The following VWC2L variants were observed in gnomAD, a reference collection of about 807,000 sequenced individuals.
VWC2L encodes von Willebrand factor C domain containing 2 like, also known as von Willebrand factor C domain-containing protein 2-like.
A neutral mutation model predicts 21.6 loss-of-function variants in VWC2L; 10 were observed. The observed-to-expected ratio is 0.46, with a 90% confidence interval of 0.29 to 0.78. The LOEUF (loss-of-function observed/expected upper bound fraction) is 0.78, where lower values mean the gene tolerates loss of function less well. VWC2L is among the 30% of genes least tolerant of loss of function. The pLI is 0.10. For missense variants in VWC2L, 209 were observed against 277.1 expected, an observed-to-expected ratio of 0.75 and a Z score of 1.74; for synonymous variants, 96 against 94.3, an observed-to-expected ratio of 1.02 and a Z score of -0.10.
chr2:214,475,988 T>C (rs1468697214), intron 3 of VWC2L, among the ~76,000 whole-genome samples: 3 of 152,126 alleles, frequency 2.0e-5, no homozygotes, highest in Non-Finnish European at 2.9e-5. Context: ...CGCAAAACAA[T>C]TGATGAAATA....
intron 3 of VWC2L, among the ~76,000 whole-genome samples, chr2:214,549,185 C>T (rs540662786): frequency 2.0e-4 from 30 of 152,260 alleles, no homozygotes; most frequent in Non-Finnish European, 3.4e-4. Flanking sequence ...TACAATGGAC[C>T]CATCTAGATA....
intron 3 of VWC2L, among the ~76,000 whole-genome samples, chr2:214,465,955 C>T (rs1453963565): frequency 6.6e-6 from 1 of 152,192 alleles, no homozygotes; most frequent in Non-Finnish European, 1.5e-5. Context: ...ACTCTCCCTC[C>T]CCCAAGCACA....
chr2:214,548,772 T>C (rs1431962479), intron 3 of VWC2L, among the ~76,000 whole-genome samples: 1 of 152,146 alleles, frequency 6.6e-6, no homozygotes, highest in East Asian at 1.9e-4. Context: ...GCAGCATTTG[T>C]AGTCAATACA....
At chr2:214,560,221 A>G (rs966300122) in intron 3 of VWC2L, among the ~76,000 whole-genome samples, 3 of 152,202 alleles carry the variant, frequency 2.0e-5, no homozygotes, top group African/African-American at 7.2e-5. Context: ...GTGTTACTAT[A>G]AAAACCATGG....
At chr2:214,553,499 T>A (rs1689827403) in intron 3 of VWC2L, among the ~76,000 whole-genome samples, 1 of 152,200 alleles carries the variant, frequency 6.6e-6, no homozygotes, top group Non-Finnish European at 1.5e-5. Context: ...TTGAAAGAGT[T>A]CTTATCTAAA....
At chr2:214,478,249 C>T (rs1037589082) in intron 3 of VWC2L, among the ~76,000 whole-genome samples, 2 of 152,136 alleles carry the variant, frequency 1.3e-5, no homozygotes, top group African/African-American at 4.8e-5. Context: ...GAGGCCGAGG[C>T]AGGCGGATCA....
chr2:214,536,125 C>G (rs1415716194), intron 3 of VWC2L, among the ~76,000 whole-genome samples: 1 of 152,118 alleles, frequency 6.6e-6, no homozygotes, highest in Non-Finnish European at 1.5e-5. Context: ...TTGCATATTG[C>G]ATGGCACATA....
chr2:214,454,988 A>T (rs981321313), intron 3 of VWC2L, among the ~76,000 whole-genome samples: 3 of 152,182 alleles, frequency 2.0e-5, no homozygotes, highest in South Asian at 2.1e-4. Flanking sequence ...TTTGCAAAAA[A>T]TTTTTTAAAA....
chr2:214,412,898 C>T (rs1702299524), intron 1 of VWC2L, among the ~76,000 whole-genome samples: 1 of 151,872 alleles, frequency 6.6e-6, no homozygotes, highest in South Asian at 2.1e-4. Flanking sequence ...GGCATGAAGC[C>T]AATAGCATTT....
chr2:214,488,622 C>G (rs1024298617), intron 3 of VWC2L, among the ~76,000 whole-genome samples: 1 of 152,036 alleles, frequency 6.6e-6, no homozygotes. Context: ...AACAAAAACC[C>G]TGTTAGGCAC....
intron 3 of VWC2L, among the ~76,000 whole-genome samples, chr2:214,563,881 C>T (rs951599620): frequency 1.3e-5 from 2 of 152,030 alleles, no homozygotes; most frequent in African/African-American, 4.8e-5. Context: ...ATTCAAATAG[C>T]AAGAGAGGAA....
At chr2:214,418,716 T>C (rs1270558435) in intron 2 of VWC2L, among the ~76,000 whole-genome samples, 1 of 152,154 alleles carries the variant, frequency 6.6e-6, no homozygotes, top group Non-Finnish European at 1.5e-5. Context: ...GATAAAGAAG[T>C]TAGAATTTCT....
At chr2:214,517,095 T>C (rs998124244) in intron 3 of VWC2L, among the ~76,000 whole-genome samples, 1 of 152,248 alleles carries the variant, frequency 6.6e-6, no homozygotes, top group Non-Finnish European at 1.5e-5. Context: ...AATGACATTG[T>C]CAAGATTATC....
At chr2:214,486,634 C>G (rs937675693) in intron 3 of VWC2L, among the ~76,000 whole-genome samples, 1 of 152,104 alleles carries the variant, frequency 6.6e-6, no homozygotes, top group Non-Finnish European at 1.5e-5. Context: ...GAGGAGATCT[C>G]TATATATCTA....
intron 3 of VWC2L, among the ~76,000 whole-genome samples, chr2:214,466,810 G>T (rs923317437): frequency 6.6e-6 from 1 of 152,134 alleles, no homozygotes; most frequent in African/African-American, 2.4e-5. Context: ...CTTAGGTTTT[G>T]TGAATATATG....
intron 3 of VWC2L, among the ~76,000 whole-genome samples, chr2:214,485,615 G>A (rs1209330371): frequency 2.0e-5 from 3 of 152,216 alleles, no homozygotes. Context: ...CCTGAAAAAT[G>A]TAGTAGGAGG....
intron 3 of VWC2L, among the ~76,000 whole-genome samples, chr2:214,440,428 C>A (rs1384209661): frequency 1.3e-5 from 2 of 151,998 alleles, no homozygotes; most frequent in Non-Finnish European, 2.9e-5. Flanking sequence ...GATTGTGTTA[C>A]TTTGACCTAT....
At chr2:214,426,539 T>C (rs1246010872) in intron 2 of VWC2L, among the ~76,000 whole-genome samples, 1 of 152,214 alleles carries the variant, frequency 6.6e-6, no homozygotes, top group Non-Finnish European at 1.5e-5. Context: ...ATTAAGTATC[T>C]TGCACATGCA....
In VWC2L at chr2:214,578,940, A is replaced by T. The variant is rs957693483; in HGVS notation, c.*3120A>T. 8.5e-5 allele frequency: 13 copies of T among 152,122 alleles called. No individual in the cohort carries two copies. The highest frequency in any genetic ancestry group is 1.8e-4 in the Non-Finnish European group (12 of 68,018). The allele number at this position is 152,122 out of a possible 1,614,324, so 9.4% of individuals were successfully genotyped here. ...GTGTAAAAGAATATATTATTAAAAA[A>T]TTATTTTGTTAAATATAAAGTGTGT... On this transcript the variant is annotated 3_prime_UTR_variant, in exon 4 of 4. Transcript: ENST00000312504.
Sources: gnomAD v4.1 joint callset for allele counts (sites outside exome capture counted in the v4.1 genomes callset) on GRCh38, gnomAD v4.1.1 for gene constraint, MANE v1.5 for transcripts, NCBI Gene and HGNC (gene_info 2026-07-23, HGNC 2026-07-21) for gene names.